DPY19L2: variants seen among roughly 807,000 people sequenced by gnomAD.
The protein encoded by DPY19L2 is dpy-19 like 2.
A neutral mutation model predicts 97.9 loss-of-function variants in DPY19L2; 34 were observed. The ratio of observed to expected loss-of-function variants is 0.35; its 90% CI spans 0.26 to 0.46. The LOEUF (loss-of-function observed/expected upper bound fraction) is 0.46. DPY19L2 is among the 20% of genes least tolerant of loss of function. The pLI is 1.00. For synonymous variants in DPY19L2, 230 were observed against 307.9 expected, an observed-to-expected ratio of 0.75 and a Z score of 2.65; for missense variants, 623 against 911.4, an observed-to-expected ratio of 0.68 and a Z score of 4.07.
intron 4 of DPY19L2, among the ~76,000 whole-genome samples, chr12:63,650,831 A>G (rs1894101984): frequency 6.6e-6 from 1 of 152,174 alleles, no homozygotes; most frequent in African/African-American, 2.4e-5. Flanking sequence ...ACATAATTAG[A>G]AAAACTATTC....
intron 16 of DPY19L2, among the ~76,000 whole-genome samples, chr12:63,585,333 A>G (rs1428096090): frequency 6.6e-6 from 1 of 152,054 alleles, no homozygotes; most frequent in African/African-American, 2.4e-5. Flanking sequence ...GGGTACAGAG[A>G]CTCATAGGTT....
chr12:63,607,883 T>C (rs896697762), intron 12 of DPY19L2, among the ~76,000 whole-genome samples: 4 of 151,824 alleles, frequency 2.6e-5, no homozygotes, highest in Admixed American at 1.3e-4. Flanking sequence ...TCTGTCCACG[T>C]TGGCCTCCCA....
chr12:63,573,790 A>T (rs572167550), intron 19 of DPY19L2, among the ~76,000 whole-genome samples: 3 of 152,284 alleles, frequency 2.0e-5, no homozygotes, highest in South Asian at 2.1e-4. Flanking sequence ...GACATATTTA[A>T]AGTGAAGGAA....
intron 10 of DPY19L2, 109 bp downstream of exon 10, chr12:63,618,042 G>A (rs1888118624): frequency 5.9e-6 from 6 of 1,021,432 alleles, no homozygotes; most frequent in Admixed American, 2.5e-5. Flanking sequence ...AATACCATAT[G>A]TATTAAATAT....
chr12:63,610,799 T>C (rs1886812589), intron 11 of DPY19L2, among the ~76,000 whole-genome samples: 1 of 81,782 alleles, frequency 1.2e-5, no homozygotes, highest in Admixed American at 1.7e-4. Flanking sequence ...CAGAAAAAGA[T>C]ACTACAAGAA....
At chr12:63,593,229 T>G (rs908764796) in intron 16 of DPY19L2, among the ~76,000 whole-genome samples, 21 of 152,324 alleles carry the variant, frequency 1.4e-4, no homozygotes, top group Non-Finnish European at 1.9e-4. Flanking sequence ...GAAGTCAGTG[T>G]GGCGATTCCT....
chr12:63,610,841 CAAAAAAAAAAAAAAAAAAAAA>C (rs56044043), intron 11 of DPY19L2, among the ~76,000 whole-genome samples: 4 of 10,774 alleles, frequency 3.7e-4, no homozygotes, highest in South Asian at 0.023. Flanking sequence ...ATGAATATAG[CAAAAAAAAAAAAAAAAAAAAA>C]AAAAAAAAAA....
rs1452865574 is a variant in DPY19L2, at chr12:63,559,059, AC to A, written c.*1452del. On this transcript the variant is annotated 3_prime_UTR_variant, in exon 22 of 22. Coordinates refer to ENST00000324472, the MANE Select transcript of DPY19L2 (RefSeq NM_173812.5). ...CCTGTAAAAACATCATCCAAAATAT[AC>A]TTTGTTAATTTTTATGAATGTTAGG... 25 of 151,862 alleles carry A rather than the reference AC, an allele frequency of 1.6e-4. No individual in the cohort carries two copies. Among genetic ancestry groups the A allele is most frequent in the Admixed American group, 3.3e-4 (5 of 15,244 alleles). The allele number at this position is 151,862 out of a possible 1,614,324, so 9.4% of individuals were successfully genotyped here.
At chr12:63,642,912 A>G (rs1892903806) in intron 6 of DPY19L2, among the ~76,000 whole-genome samples, 1 of 152,060 alleles carries the variant, frequency 6.6e-6, no homozygotes, top group South Asian at 2.1e-4. Flanking sequence ...ATATCTCTCC[A>G]CTTAGATTTT....
intron 16 of DPY19L2, among the ~76,000 whole-genome samples, chr12:63,592,798 T>G (rs1883362958): frequency 6.6e-6 from 1 of 152,042 alleles, no homozygotes; most frequent in African/African-American, 2.4e-5. Context: ...TGGGATCTAA[T>G]TAAACTACAC....
chr12:63,615,169 C>T (rs1295316381), intron 11 of DPY19L2, among the ~76,000 whole-genome samples: 1 of 151,990 alleles, frequency 6.6e-6, no homozygotes, highest in Non-Finnish European at 1.5e-5. Context: ...TGTTTAAATC[C>T]CTATGTTCCT....
At chr12:63,566,892 T>A (rs1441791340) in intron 21 of DPY19L2, among the ~76,000 whole-genome samples, 1 of 152,102 alleles carries the variant, frequency 6.6e-6, no homozygotes, top group African/African-American at 2.4e-5. Flanking sequence ...CTTGTACATA[T>A]TTATGGAGTA....
intron 19 of DPY19L2, among the ~76,000 whole-genome samples, chr12:63,575,056 C>G (rs1565703038): frequency 6.6e-6 from 1 of 151,766 alleles, no homozygotes; most frequent in African/African-American, 2.4e-5. Context: ...GACCACAAAA[C>G]AAGGATAGGC....
At chr12:63,614,235 AAG>A (rs1474591194) in intron 11 of DPY19L2, among the ~76,000 whole-genome samples, 2 of 151,806 alleles carry the variant, frequency 1.3e-5, no homozygotes, top group African/African-American at 4.8e-5. Flanking sequence ...GTAAAAATAA[AAG>A]AGACAAGAAT....
rs1565681755 is a variant in DPY19L2 at position 63,559,754 on chromosome 12, G to C, written c.*758C>G. ...CTGATTATGTTTAACCCCAAAACTT[G>C]GTTGTATACCATAGCAGTTTCTGTT... On this transcript the variant is annotated 3_prime_UTR_variant, in exon 22 of 22. Coordinates refer to ENST00000324472, the MANE Select transcript of DPY19L2 (RefSeq NM_173812.5). The C allele has an allele frequency of 6.6e-6, 1 of 151,876 alleles. No homozygotes were observed. The highest frequency in any genetic ancestry group is 1.5e-5 in the Non-Finnish European group (1 of 67,958). 9.4% of individuals were successfully genotyped at this position (151,876 alleles called of 1,614,324 possible). A position where few individuals can be genotyped will look rare whatever the true frequency, so the allele number is the denominator to read the frequency against.
chr12:63,597,839 A>G lies in DPY19L2; in HGVS notation c.1431T>C (p.Cys477=). 1 of 1,610,606 alleles carries G rather than the reference A, an allele frequency of 6.2e-7. No homozygotes were observed. The highest frequency in any genetic ancestry group is 8.5e-7 in the Non-Finnish European group (1 of 1,178,642). Residue 477 remains cysteine, a synonymous_variant, in exon 14 of 22, where the codon TGT becomes TGC. Coordinates refer to ENST00000324472, the MANE Select transcript of DPY19L2 (RefSeq NM_173812.5). ...TTTCCATGAAGTCAAATTCGGGAGC[A>G]CAGGTATATATTAAAGTATCAAAAT... The part of the protein sequence containing the change: ...YTDFDTLIYT[C]APEFDFMEKA...
At chr12:63,608,330 A>T (rs1240590770) in intron 12 of DPY19L2, among the ~76,000 whole-genome samples, 3 of 152,174 alleles carry the variant, frequency 2.0e-5, no homozygotes, top group African/African-American at 7.2e-5. Flanking sequence ...AGACAAACAA[A>T]TTTTAAAAAG....
chr12:63,601,525 C>T (rs568802315), intron 12 of DPY19L2, among the ~76,000 whole-genome samples: 1 of 152,056 alleles, frequency 6.6e-6, no homozygotes, highest in South Asian at 2.1e-4. Flanking sequence ...AAGGAGGCAA[C>T]GAATCTATAG....
Position 63,665,934 on chromosome 12 carries a change from T to C in DPY19L2, c.338-75A>G, listed in dbSNP as rs530284095. 133 of 1,268,360 alleles carry C rather than the reference T, an allele frequency of 1.0e-4. No homozygotes were observed. The African/African-American group carries it at 1.9e-3, about 18-fold the overall frequency. 78.6% of individuals were successfully genotyped at this position (1,268,360 alleles called of 1,614,324 possible). On this transcript the variant is annotated intron_variant, in intron 1 of 21. Transcript: ENST00000324472. ...ATACCATTAAAACAAGTATTTCAAA[T>C]GTATTATTTTACATGTCTAGAAAGA...
Sources: allele counts gnomAD v4.1 joint callset (sites outside exome capture counted in the v4.1 genomes callset), GRCh38; gene constraint gnomAD v4.1.1; transcripts MANE v1.5; gene names NCBI Gene and HGNC (gene_info 2026-07-23, HGNC 2026-07-21).